COL13A1: variants seen among roughly 807,000 people sequenced by gnomAD.
COL13A1 encodes the protein collagen alpha-1(XIII) chain.
COL13A1 carries 89 observed loss-of-function variants against 130.9 expected under a neutral mutation model. The ratio of observed to expected loss-of-function variants is 0.68; its 90% CI spans 0.57 to 0.81. COL13A1 has a LOEUF of 0.81. COL13A1 is among the 30% of genes least tolerant of loss of function. The pLI is 0.00. For synonymous variants in COL13A1, 402 were observed against 341.6 expected, an observed-to-expected ratio of 1.18 and a Z score of -1.95; for missense variants, 879 against 934.6, an observed-to-expected ratio of 0.94 and a Z score of 0.78.
chr10:69,919,198 TG>T (rs2064311417), intron 20 of COL13A1, 110 bp downstream of exon 20: 1 of 1,413,092 alleles, frequency 7.1e-7, no homozygotes, highest in Admixed American at 1.7e-5. Flanking sequence ...GGCCTGGGAC[TG>T]GGGACCTGGC....
intron 29 of COL13A1, 46 bp downstream of exon 29, chr10:69,930,133 C>T (rs770581717): frequency 1.3e-6 from 2 of 1,597,224 alleles, no homozygotes; most frequent in Non-Finnish European, 1.7e-6. Flanking sequence ...ACAGTCTTGG[C>T]CCTGGGGGCA....
At chr10:69,882,650 A>C (rs1468017620) in intron 7 of COL13A1, among the ~76,000 whole-genome samples, 1 of 152,232 alleles carries the variant, frequency 6.6e-6, no homozygotes. Context: ...TCCTCATCCC[A>C]AAGCCTGCAT....
Position 69,925,787 on chromosome 10 carries a change from T to A in COL13A1, c.1330-17T>A, listed in dbSNP as rs756666625. The A allele has an allele frequency of 6.3e-7, 1 of 1,583,278 alleles. No homozygotes were observed. Among genetic ancestry groups the A allele is most frequent in the Non-Finnish European group, 8.6e-7 (1 of 1,164,052 alleles). On this transcript the variant is annotated splice_polypyrimidine_tract_variant and intron_variant, in intron 25 of 40. Coordinates refer to ENST00000645393, the MANE Select transcript of COL13A1 (RefSeq NM_001368882.1). ...TCCCGGTCCAGGCCGTGGGTTGAGA[T>A]CTCATTTGCCTTCCAGGGCTCCAAG...
intron 7 of COL13A1, 30 bp downstream of exon 7, chr10:69,880,583 T>C: frequency 1.2e-6 from 2 of 1,609,874 alleles, no homozygotes; most frequent in Non-Finnish European, 1.7e-6. Flanking sequence ...CCTCGGGGTG[T>C]TGGGGGGATG....
intron 16 of COL13A1, 24 bp downstream of exon 16, chr10:69,904,983 G>C: frequency 6.4e-7 from 1 of 1,558,860 alleles, no homozygotes; most frequent in Non-Finnish European, 8.7e-7. Context: ...TGGGTGATGT[G>C]TTGAACAGGT....
In COL13A1 at chr10:69,957,035, G is replaced by A; in HGVS notation, c.2177G>A (p.Trp726Ter). 2 of 1,613,672 alleles carry A rather than the reference G, an allele frequency of 1.2e-6. No homozygotes were observed. The highest frequency in any genetic ancestry group is 1.1e-5 in the South Asian group (1 of 91,074). ...GATGGCTTACCAGTCCAAGGCTGCT[G>A]GAACAAGGTAAGGCTTCCCATTGGT... ...GEDGLPVQGC[W>*]NK The change falls in exon 40 of 41, where the codon TGG becomes TAG. Residue 726 changes from tryptophan (W) to a stop codon, truncating the protein, a stop_gained. Coordinates refer to ENST00000645393, the MANE Select transcript of COL13A1 (RefSeq NM_001368882.1). LOFTEE classifies it high-confidence loss of function.
intron 2 of COL13A1, among the ~76,000 whole-genome samples, chr10:69,845,555 C>T (rs1852804955): frequency 6.6e-6 from 1 of 152,056 alleles, no homozygotes; most frequent in Non-Finnish European, 1.5e-5. Context: ...AAGTAGGCAT[C>T]CCCAACCCAC....
intron 3 of COL13A1, among the ~76,000 whole-genome samples, chr10:69,871,078 T>A (rs944809904): frequency 6.6e-6 from 1 of 152,110 alleles, no homozygotes; most frequent in African/African-American, 2.4e-5. Context: ...CTCCTCACCC[T>A]GGCGCGTTCC....
At chr10:69,803,481 C>A (rs1455917603) in intron 1 of COL13A1, among the ~76,000 whole-genome samples, 1 of 152,126 alleles carries the variant, frequency 6.6e-6, no homozygotes, top group Non-Finnish European at 1.5e-5. Flanking sequence ...CCTCTTTGTG[C>A]CACCAGAGGA....
chr10:69,836,485 A>C (rs1850099766), intron 2 of COL13A1, among the ~76,000 whole-genome samples: 1 of 152,170 alleles, frequency 6.6e-6, no homozygotes. Flanking sequence ...CCTACCATGC[A>C]AAGGGGAGCT....
At chr10:69,946,055 G>C (rs527657954) in intron 37 of COL13A1, among the ~76,000 whole-genome samples, 1 of 149,480 alleles carries the variant, frequency 6.7e-6, no homozygotes, top group African/African-American at 2.5e-5. Context: ...GGGTGACAGA[G>C]CGAGACTCCA....
intron 31 of COL13A1, 115 bp downstream of exon 31, chr10:69,932,719 C>A: frequency 1.4e-6 from 1 of 708,142 alleles, no homozygotes; most frequent in Non-Finnish European, 2.5e-6. Flanking sequence ...GTTTACTGAG[C>A]ACCACCATAG....
At chr10:69,842,043 T>G (rs1050150631) in intron 2 of COL13A1, among the ~76,000 whole-genome samples, 1 of 152,232 alleles carries the variant, frequency 6.6e-6, no homozygotes, top group African/African-American at 2.4e-5. Flanking sequence ...AAGCTCAGAC[T>G]AGCTGATATG....
intron 5 of COL13A1, among the ~76,000 whole-genome samples, chr10:69,876,538 C>T (rs577559853): frequency 7.2e-5 from 11 of 152,338 alleles, no homozygotes; most frequent in African/African-American, 2.4e-4. Context: ...AGAAGCTCTC[C>T]CACCACTTCC....
intron 28 of COL13A1, 49 bp downstream of exon 28, chr10:69,929,048 C>A: frequency 6.9e-7 from 1 of 1,451,788 alleles, no homozygotes; most frequent in South Asian, 1.2e-5. Flanking sequence ...AGGGCATCGA[C>A]CCCAGGGCTT....
Position 69,942,053 on chromosome 10 carries a change from G to C in COL13A1, c.1914+1030G>C, listed in dbSNP as rs144363670. On this transcript the variant is annotated intron_variant, in intron 35 of 40. Coordinates refer to ENST00000645393, the MANE Select transcript of COL13A1 (RefSeq NM_001368882.1). ...CCTTGCCAGGGTTCATGTGTGCAGC[G>C]TAGGGGACACACTGAAGCACAGGCT... Among the ~76,000 whole-genome samples, 476 of 152,302 alleles carry C rather than the reference G, an allele frequency of 3.1e-3. 9 individuals are homozygous for C. In the Middle Eastern group the frequency reaches 0.054, roughly 17 times the overall value.
At chr10:69,829,394 G>T in intron 2 of COL13A1, 3 of 438,104 alleles carry the variant, frequency 6.8e-6, no homozygotes, top group Non-Finnish European at 9.1e-6. Flanking sequence ...TACCTGCTCT[G>T]ACCCCCCTCG....
At chr10:69,889,281 T>TGGAGCACAGGGGACAGGGA in intron 9 of COL13A1, 133 bp from the exon 10 acceptor site, 3 of 1,141,704 alleles carry the variant, frequency 2.6e-6, no homozygotes, top group South Asian at 2.8e-5. Context: ...AAGGTGCAGA[T>TGGAGCACAGGGGACAGGGA]GGAGCACAGG....
At chr10:69,943,942 C>T (rs1002091910) in intron 35 of COL13A1, among the ~76,000 whole-genome samples, 183 bp from the exon 36 acceptor site, 1 of 152,224 alleles carries the variant, frequency 6.6e-6, no homozygotes, top group Admixed American at 6.5e-5. Flanking sequence ...GGTGCTCTCT[C>T]CCCAACAGCC....
Sources: allele counts gnomAD v4.1 joint callset (sites outside exome capture counted in the v4.1 genomes callset), GRCh38; gene constraint gnomAD v4.1.1; transcripts MANE v1.5; gene names NCBI Gene and HGNC (gene_info 2026-07-23, HGNC 2026-07-21).